Variants in NTM observed in about 807,000 individuals in gnomAD.
The protein encoded by NTM is neurotrimin.
In NTM, 13 loss-of-function variants were observed where a neutral mutation model predicts 42.1. The observed-to-expected ratio is 0.31, with a 90% confidence interval of 0.20 to 0.49. The LOEUF (loss-of-function observed/expected upper bound fraction) is 0.49. NTM is among the 20% of genes least tolerant of loss of function. The pLI, the probability that NTM is intolerant of heterozygous loss-of-function variation, is 0.99. For missense variants in NTM, 373 were observed against 452.8 expected (o/e 0.82, Z 1.60); for synonymous variants, 187 against 179.2 (o/e 1.04, Z -0.35).
In NTM at chr11:132,003,233, C is replaced by T. The variant is rs1368332867; in HGVS notation, c.167+91585C>T. ...GGCTTGTTGAATCCGGATTCCTCCA[C>T]CCACACCCTTAGAGTTTTTTTTTCT... is the stretch of plus-strand genomic sequence containing the variant. On this transcript the variant is annotated intron_variant, in intron 2 of 8. Transcript: ENST00000683400. The surrounding 1 kb of genome is among the most constrained non-coding windows in gnomAD (Gnocchi z 6.0). Among the ~76,000 whole-genome samples, 1 of 149,856 alleles carries T rather than the reference C, an allele frequency of 6.7e-6. No individual in the cohort carries two copies. Among genetic ancestry groups the T allele is most frequent in the African/African-American group, 2.5e-5 (1 of 40,328 alleles).
chr11:131,997,371 A>G (rs2135219884), intron 2 of NTM, among the ~76,000 whole-genome samples: 1 of 152,300 alleles, frequency 6.6e-6, no homozygotes, highest in South Asian at 2.1e-4. Flanking sequence ...TTTTCTGGGT[A>G]CGTGCGGAAC....
chr11:131,854,514 G>A (rs1478175471), intron 1 of NTM, among the ~76,000 whole-genome samples: 2 of 152,286 alleles, frequency 1.3e-5, no homozygotes, highest in East Asian at 1.9e-4. Flanking sequence ...AAAGCAGAAG[G>A]AAATGTACTC....
chr11:132,149,877 C>A (rs1447310401), intron 3 of NTM, among the ~76,000 whole-genome samples: 1 of 152,168 alleles, frequency 6.6e-6, no homozygotes, highest in Non-Finnish European at 1.5e-5. Context: ...TTTAAATTAG[C>A]TACAACCAAA....
chr11:131,672,076 CA>C (rs1361397778), intron 1 of NTM, among the ~76,000 whole-genome samples: 1 of 152,238 alleles, frequency 6.6e-6, no homozygotes, highest in African/African-American at 2.4e-5. Context: ...TGTCTTTCTA[CA>C]CAAATTGCCT....
At chr11:131,683,124 C>T (rs2073259888) in intron 1 of NTM, among the ~76,000 whole-genome samples, 1 of 152,208 alleles carries the variant, frequency 6.6e-6, no homozygotes, top group South Asian at 2.1e-4. Context: ...CCCTCTAAAA[C>T]CGAAGCTTCC....
intron 2 of NTM, among the ~76,000 whole-genome samples, chr11:132,070,924 ACG>A: frequency 7.0e-6 from 1 of 142,746 alleles, no homozygotes; most frequent in African/African-American, 2.6e-5. Context: ...GTTAGTTAAC[ACG>A]TCACACAGCC....
At chr11:131,616,656 C>A (rs1049584432) in intron 1 of NTM, among the ~76,000 whole-genome samples, 1 of 152,102 alleles carries the variant, frequency 6.6e-6, no homozygotes, top group African/African-American at 2.4e-5. Context: ...CAGTTCTCTT[C>A]CCCACCCGGC....
chr11:132,122,433 G>C (rs769503006), intron 2 of NTM, among the ~76,000 whole-genome samples: 3 of 152,154 alleles, frequency 2.0e-5, no homozygotes, highest in Non-Finnish European at 4.4e-5. Context: ...TCAAATCCAG[G>C]AGGTTTTCAT....
At chr11:131,656,058 C>T (rs2067145291) in intron 1 of NTM, among the ~76,000 whole-genome samples, 1 of 152,204 alleles carries the variant, frequency 6.6e-6, no homozygotes, top group Non-Finnish European at 1.5e-5. Flanking sequence ...TCCCTCAAAT[C>T]CACCAGATCC....
intron 1 of NTM, among the ~76,000 whole-genome samples, chr11:131,406,588 T>C (rs988899600): frequency 6.6e-6 from 1 of 152,196 alleles, no homozygotes; most frequent in African/African-American, 2.4e-5. Flanking sequence ...ATATAACATA[T>C]GATAATGTTT....
chr11:131,572,552 T>C (rs1441862043), intron 1 of NTM, among the ~76,000 whole-genome samples: 1 of 152,074 alleles, frequency 6.6e-6, no homozygotes, highest in Non-Finnish European at 1.5e-5. Context: ...CTGCCACTAA[T>C]GTTCATGTAG....
At chr11:132,258,349 C>T (rs1045738979) in intron 4 of NTM, among the ~76,000 whole-genome samples, 9 of 151,910 alleles carry the variant, frequency 5.9e-5, no homozygotes, top group African/African-American at 1.5e-4. Context: ...AGTGAACATG[C>T]GTTAAATATA....
chr11:131,407,738 C>T (rs1316900339), intron 1 of NTM, among the ~76,000 whole-genome samples: 4 of 152,192 alleles, frequency 2.6e-5, no homozygotes, highest in East Asian at 1.9e-4. Flanking sequence ...TTCTTGCCCT[C>T]GAGGTTTCCT....
At chr11:132,329,593 T>A (rs963947108) in intron 7 of NTM, among the ~76,000 whole-genome samples, 1 of 152,236 alleles carries the variant, frequency 6.6e-6, no homozygotes, top group Non-Finnish European at 1.5e-5. Flanking sequence ...TGGTCTCCTC[T>A]GGTACATGGA....
At position 131,508,779 on chromosome 11, in the gene NTM, G is replaced by C. The variant is rs4992038; in HGVS notation, c.82+137891G>C. Among the ~76,000 whole-genome samples, 5 of 128,088 alleles carry C rather than the reference G, an allele frequency of 3.9e-5. No homozygotes were observed. The East Asian group carries it at 6.6e-4, about 17-fold the overall frequency. 84.0% of individuals were successfully genotyped at this position (128,088 alleles called of 152,430 possible). On this transcript the variant is annotated intron_variant, in intron 1 of 8. Transcript: ENST00000683400. ...AAATCATCATTCTCAGTAAACTATC[G>C]CAAGAACAAAAAACCAAACACCGCA...
chr11:131,874,030 AATATATATATATATATATATATATAT>A lies in NTM; in HGVS notation c.83-37521_83-37496del, dbSNP rs59083400. Among the ~76,000 whole-genome samples, 7 of 76,638 alleles carry A rather than the reference AATATATATATATATATATATATATAT, an allele frequency of 9.1e-5. 1 individual carries two copies. Among genetic ancestry groups the A allele is most frequent in the South Asian group, 7.5e-4 (2 of 2,670 alleles). 50.3% of individuals were successfully genotyped at this position (76,638 alleles called of 152,430 possible). The stretch of plus-strand genomic sequence containing the variant: ...ATAATATATTTATATAATATAATAT[AATATATATATATATATATATATATAT>A]ATATATATATATCAGCAACAGGGTG... On this transcript the variant is annotated intron_variant, in intron 1 of 8. Coordinates refer to ENST00000683400, the MANE Select transcript of NTM (RefSeq NM_001352005.2).
chr11:132,142,205 A>G (rs1047642828), intron 2 of NTM, among the ~76,000 whole-genome samples: 10 of 152,188 alleles, frequency 6.6e-5, no homozygotes, highest in African/African-American at 2.4e-4. Flanking sequence ...TTGTTGGCCT[A>G]TGTTACATTG....
rs148882465 is a variant in NTM, at chr11:131,541,486, G to A, written c.82+170598G>A. Among the ~76,000 whole-genome samples the A allele has an allele frequency of 4.5e-3, 689 of 152,314 alleles. 4 individuals are homozygous for A. The highest frequency in any genetic ancestry group is 0.015 in the African/African-American group (621 of 41,566). ...ACAGCCACACAGGCCAGACTTAAAT[G>A]AGCTATGTAAACCTAGTCGATTTTG... On this transcript the variant is annotated intron_variant, in intron 1 of 8. Coordinates refer to ENST00000683400, the MANE Select transcript of NTM (RefSeq NM_001352005.2).
intron 1 of NTM, among the ~76,000 whole-genome samples, chr11:131,813,379 A>G (rs1292615741): frequency 6.6e-6 from 1 of 152,206 alleles, no homozygotes. Context: ...GCAAAGATGA[A>G]TAATATGAGA....
Sources: gnomAD v4.1 joint callset for allele counts (sites outside exome capture counted in the v4.1 genomes callset) on GRCh38, gnomAD v4.1.1 for gene constraint, Gnocchi (gnomAD v3.1) non-coding constraint, MANE v1.5 for transcripts, NCBI Gene and HGNC (gene_info 2026-07-23, HGNC 2026-07-21) for gene names.